NCAM2: variants seen among roughly 807,000 people sequenced by gnomAD.
NCAM2 encodes N-CAM-2.
In NCAM2, 30 loss-of-function variants were observed where a neutral mutation model predicts 98.1. The observed-to-expected ratio is 0.31, with a 90% CI of 0.23 to 0.41. The LOEUF (loss-of-function observed/expected upper bound fraction) is 0.41, where lower values mean the gene tolerates loss of function less well. NCAM2 is among the 10% of genes least tolerant of loss of function. NCAM2 has a pLI of 1.00. For synonymous variants in NCAM2, 368 were observed against 342.4 expected (o/e 1.07, Z -0.83); for missense variants, 867 against 1,005.8 (o/e 0.86, Z 1.87).
chr21:21,193,239 G>A (rs2068883905), intron 1 of NCAM2, among the ~76,000 whole-genome samples: 1 of 151,890 alleles, frequency 6.6e-6, no homozygotes, highest in South Asian at 2.1e-4. Context: ...AAGGATTATA[G>A]GTATGCAATA....
At chr21:21,351,059 A>C (rs2075323277) in intron 8 of NCAM2, among the ~76,000 whole-genome samples, 1 of 137,806 alleles carries the variant, frequency 7.3e-6, no homozygotes, top group African/African-American at 2.7e-5. Context: ...GGTTGCAGTG[A>C]GCTGAGATCC....
chr21:21,156,616 A>ATAGATAGG (rs1173900394), intron 1 of NCAM2, among the ~76,000 whole-genome samples: 12 of 151,550 alleles, frequency 7.9e-5, no homozygotes, highest in African/African-American at 2.7e-4. Context: ...AGATAGATAG[A>ATAGATAGG]TAATTGTAGA....
intron 5 of NCAM2, among the ~76,000 whole-genome samples, chr21:21,315,957 C>T (rs2074208250): frequency 6.6e-6 from 1 of 152,016 alleles, no homozygotes; most frequent in African/African-American, 2.4e-5. Context: ...AACTTGTTGA[C>T]ATATATATGA....
At chr21:21,192,082 G>A (rs1236908452) in intron 1 of NCAM2, among the ~76,000 whole-genome samples, 1 of 152,030 alleles carries the variant, frequency 6.6e-6, no homozygotes, top group Non-Finnish European at 1.5e-5. Context: ...GATTATCCTG[G>A]CATGGTGGCG....
chr21:21,538,909 T>C lies in NCAM2; in HGVS notation c.*952T>C, dbSNP rs963460073. The C allele has an allele frequency of 1.4e-4, 22 of 152,152 alleles. No individual in the cohort carries two copies. The highest frequency in any genetic ancestry group is 6.6e-5 in the Admixed American group (1 of 15,256). The allele number at this position is 152,152 out of a possible 1,614,324, so 9.4% of individuals were successfully genotyped here. A position where few individuals can be genotyped will look rare whatever the true frequency, so the allele number is the denominator to read the frequency against. ...GATATATTTTTAGCCCATGGTTTTATATAATCTTTAAGAACTAATTTTACC... is the reference window on the plus strand; with the variant it reads ...GATATATTTTTAGCCCATGGTTTTACATAATCTTTAAGAACTAATTTTACC... On this transcript the variant is annotated 3_prime_UTR_variant, in exon 18 of 18. Transcript: ENST00000400546.
chr21:21,270,797 A>T (rs1039067822), intron 1 of NCAM2, among the ~76,000 whole-genome samples: 8 of 152,054 alleles, frequency 5.3e-5, no homozygotes, highest in Non-Finnish European at 8.8e-5. Context: ...GAGATTTTCA[A>T]AACCTATTTG....
chr21:21,467,065 A>T (rs890055959), intron 13 of NCAM2, among the ~76,000 whole-genome samples: 5 of 151,918 alleles, frequency 3.3e-5, no homozygotes, highest in African/African-American at 1.2e-4. Flanking sequence ...TCTATGTAAC[A>T]TGTTCAATAT....
At chr21:21,307,166 T>A (rs1437547210) in intron 5 of NCAM2, among the ~76,000 whole-genome samples, 1 of 152,182 alleles carries the variant, frequency 6.6e-6, no homozygotes, top group Non-Finnish European at 1.5e-5. Context: ...TACATCTTGC[T>A]ATGTATTGTC....
At chr21:21,504,081 T>A (rs184006027) in intron 15 of NCAM2, among the ~76,000 whole-genome samples, 11 of 152,072 alleles carry the variant, frequency 7.2e-5, no homozygotes, top group African/African-American at 2.6e-4. Flanking sequence ...CATATTTTAA[T>A]GTATTTGCTG....
At chr21:21,167,612 A>T (rs2067993280) in intron 1 of NCAM2, among the ~76,000 whole-genome samples, 1 of 152,164 alleles carries the variant, frequency 6.6e-6, no homozygotes, top group Non-Finnish European at 1.5e-5. Flanking sequence ...AAAGAAACAG[A>T]TGATTGATAT....
intron 1 of NCAM2, among the ~76,000 whole-genome samples, chr21:21,133,658 A>T (rs1449884870): frequency 6.6e-6 from 1 of 152,194 alleles, no homozygotes; most frequent in Non-Finnish European, 1.5e-5. Context: ...TCCAAAAAAG[A>T]TCTCATAGAA....
chr21:21,494,852 T>C (rs1987105798), intron 15 of NCAM2, among the ~76,000 whole-genome samples: 1 of 151,866 alleles, frequency 6.6e-6, no homozygotes, highest in Admixed American at 6.6e-5. Flanking sequence ...AAATTTTTAG[T>C]ACTTTGTGAT....
intron 1 of NCAM2, among the ~76,000 whole-genome samples, chr21:21,265,454 A>G (rs1412268487): frequency 7.3e-6 from 1 of 137,450 alleles, no homozygotes; most frequent in Non-Finnish European, 1.5e-5. Flanking sequence ...ATACACACAT[A>G]TATAATATAT....
chr21:21,461,670 G>C (rs539937031), intron 12 of NCAM2, among the ~76,000 whole-genome samples: 7 of 151,518 alleles, frequency 4.6e-5, no homozygotes, highest in Non-Finnish European at 8.9e-5. Context: ...TATGCATACA[G>C]GTAAAAGTAT....
At chr21:21,449,618 C>G (rs1397178162) in intron 12 of NCAM2, among the ~76,000 whole-genome samples, 3 of 151,802 alleles carry the variant, frequency 2.0e-5, no homozygotes, top group African/African-American at 7.3e-5. Context: ...TTGTATTAAA[C>G]ATTATTTAAC....
Position 21,537,972 on chromosome 21 carries a change from G to C in NCAM2, c.*15G>C. The C allele has an allele frequency of 7.1e-7, 1 of 1,398,682 alleles. No homozygotes were observed. The highest frequency in any genetic ancestry group is 1.3e-5 in the South Asian group (1 of 76,348). 86.6% of individuals were successfully genotyped at this position (1,398,682 alleles called of 1,614,324 possible). A position where few individuals can be genotyped will look rare whatever the true frequency, so the allele number is the denominator to read the frequency against. ...GCAAAGCATAACAACAATATTACAGGGGCTTGAACAACACTACGAAGAGTA... is the reference window on the plus strand; with the variant it reads ...GCAAAGCATAACAACAATATTACAGCGGCTTGAACAACACTACGAAGAGTA... On this transcript the variant is annotated 3_prime_UTR_variant, in exon 18 of 18. Transcript: ENST00000400546.
intron 16 of NCAM2, among the ~76,000 whole-genome samples, chr21:21,510,214 A>G (rs1267063591): frequency 1.3e-5 from 2 of 152,318 alleles, no homozygotes; most frequent in Admixed American, 6.5e-5. Context: ...GCCACAGAAT[A>G]AAATGCACCA....
intron 1 of NCAM2, among the ~76,000 whole-genome samples, chr21:20,999,826 C>G (rs949941582): frequency 6.6e-5 from 10 of 152,188 alleles, no homozygotes; most frequent in Non-Finnish European, 1.5e-4. Context: ...CAGAGTCCTT[C>G]TATCATTCTT....
intron 6 of NCAM2, among the ~76,000 whole-genome samples, chr21:21,330,905 A>G (rs892640379): frequency 6.6e-6 from 1 of 152,002 alleles, no homozygotes; most frequent in Non-Finnish European, 1.5e-5. Flanking sequence ...GTTTACTAAT[A>G]TTTTCTACTG....
Sources: gnomAD v4.1 joint callset for allele counts (sites outside exome capture counted in the v4.1 genomes callset) on GRCh38, gnomAD v4.1.1 for gene constraint, MANE v1.5 for transcripts, NCBI Gene and HGNC (gene_info 2026-07-23, HGNC 2026-07-21) for gene names.